The following FOXO3 variants were observed in gnomAD, a reference collection of about 807,000 sequenced individuals.
FOXO3 encodes the protein forkhead box protein O3.
Under a neutral mutation model 41.9 loss-of-function variants are expected in FOXO3, and 4 were observed. The observed-to-expected ratio is 0.10, with a 90% CI of 0.05 to 0.22. The LOEUF (loss-of-function observed/expected upper bound fraction) is 0.22, where lower values mean the gene tolerates loss of function less well. FOXO3 is among the 10% of genes least tolerant of loss of function. The pLI, the probability that FOXO3 is intolerant of heterozygous loss-of-function variation, is 1.00. For missense variants in FOXO3, 534 were observed against 906.8 expected (o/e 0.59, Z 5.28); for synonymous variants, 318 against 389.3 (o/e 0.82, Z 2.16).
intron 1 of FOXO3, among the ~76,000 whole-genome samples, chr6:108,623,255 A>G (rs539632181): frequency 1.4e-4 from 22 of 152,300 alleles, no homozygotes; most frequent in African/African-American, 5.3e-4. Context: ...TGATTAGCTT[A>G]TAAGTTGGCC....
chr6:108,587,887 G>A (rs541093213), intron 1 of FOXO3, among the ~76,000 whole-genome samples: 4 of 152,262 alleles, frequency 2.6e-5, no homozygotes, highest in East Asian at 3.9e-4. Flanking sequence ...GGATTCTTTC[G>A]CTTTGAGATG....
intron 1 of FOXO3, among the ~76,000 whole-genome samples, chr6:108,657,412 A>G (rs1185575206): frequency 6.6e-6 from 1 of 152,164 alleles, no homozygotes; most frequent in South Asian, 2.1e-4. Context: ...TTTAGTGAGT[A>G]ACTGTGACAA....
At chr6:108,668,378 T>G (rs565395581) in intron 2 of FOXO3, among the ~76,000 whole-genome samples, 1 of 152,300 alleles carries the variant, frequency 6.6e-6, no homozygotes, top group East Asian at 1.9e-4. Flanking sequence ...TTTGGAGGGC[T>G]GGCTGCTGGG....
At chr6:108,592,200 G>A (rs1776748382) in intron 1 of FOXO3, among the ~76,000 whole-genome samples, 1 of 152,138 alleles carries the variant, frequency 6.6e-6, no homozygotes, top group Admixed American at 6.5e-5. Flanking sequence ...TCTTAATTGT[G>A]GTGGTGCTTA....
chr6:108,562,429 C>T (rs1391740265), intron 1 of FOXO3, among the ~76,000 whole-genome samples: 1 of 152,082 alleles, frequency 6.6e-6, no homozygotes, highest in Non-Finnish European at 1.5e-5. Flanking sequence ...CTTTCCTTGC[C>T]TATATTGATA....
At chr6:108,660,451 A>G (rs771219423) in intron 1 of FOXO3, among the ~76,000 whole-genome samples, 9 of 152,232 alleles carry the variant, frequency 5.9e-5, no homozygotes, top group Non-Finnish European at 1.2e-4. Flanking sequence ...AGAAATGCCA[A>G]CTTATGACCC....
chr6:108,578,762 G>A (rs1776328591), intron 1 of FOXO3, among the ~76,000 whole-genome samples: 1 of 152,216 alleles, frequency 6.6e-6, no homozygotes, highest in African/African-American at 2.4e-5. Flanking sequence ...GAGAAAGATA[G>A]GATAAAAATG....
chr6:108,667,607 G>A lies in FOXO3; in HGVS notation c.*34+2718G>A, dbSNP rs551889701. Among the ~76,000 whole-genome samples, 10 of 152,240 alleles carry A rather than the reference G, an allele frequency of 6.6e-5. No individual in the cohort carries two copies. The South Asian group carries it at 2.1e-3, about 32-fold the overall frequency. ...CTAAAGGATTGTACAGAAAATTAAG[G>A]GAGATCTAAATACTTAGATTTTTAA... On this transcript the variant is annotated intron_variant, in intron 2 of 2. Coordinates refer to ENST00000406360, the MANE Select transcript of FOXO3 (RefSeq NM_001455.4).
At chr6:108,617,292 AATTG>A (rs1232736449) in intron 1 of FOXO3, among the ~76,000 whole-genome samples, 11 of 152,068 alleles carry the variant, frequency 7.2e-5, no homozygotes, top group African/African-American at 2.7e-4. Flanking sequence ...TGGGTCTGTT[AATTG>A]ATTGATTATT....
At chr6:108,564,656 C>T (rs192299382) in intron 1 of FOXO3, among the ~76,000 whole-genome samples, 132 of 152,284 alleles carry the variant, frequency 8.7e-4, no homozygotes, top group African/African-American at 3.0e-3. Flanking sequence ...ACTTAGAGAT[C>T]AGAATCTAAA....
At chr6:108,625,822 G>T (rs1413707959) in intron 1 of FOXO3, among the ~76,000 whole-genome samples, 1 of 152,108 alleles carries the variant, frequency 6.6e-6, no homozygotes, top group East Asian at 1.9e-4. Flanking sequence ...CCATGTCCTG[G>T]GTTGTTTAAG....
chr6:108,618,329 T>G lies in FOXO3; in HGVS notation c.622-45126T>G. 4.7e-6 allele frequency: 3 copies of G among 632,132 alleles called. No individual in the cohort carries two copies. The Admixed American group carries it at 6.3e-5, about 13-fold the overall frequency. The allele number at this position is 632,132 out of a possible 1,614,324, so 39.2% of individuals were successfully genotyped here. A position where few individuals can be genotyped will look rare whatever the true frequency, so the allele number is the denominator to read the frequency against. Reference sequence around the variant, plus strand: ...CTCAGCTGCCGCTTCACAAAAGAGATATCAGGTCCACACTGAACGAGCACA... The same window carrying G: ...CTCAGCTGCCGCTTCACAAAAGAGAGATCAGGTCCACACTGAACGAGCACA... On this transcript the variant is annotated intron_variant, in intron 1 of 2. Transcript: ENST00000406360.
chr6:108,660,754 C>G (rs1367729419), intron 1 of FOXO3, among the ~76,000 whole-genome samples: 1 of 152,248 alleles, frequency 6.6e-6, no homozygotes, highest in East Asian at 1.9e-4. Context: ...TGCCTGTAAT[C>G]CCAGCACTTT....
At chr6:108,655,502 C>A (rs1206412868) in intron 1 of FOXO3, among the ~76,000 whole-genome samples, 1 of 152,042 alleles carries the variant, frequency 6.6e-6, no homozygotes, top group Admixed American at 6.5e-5. Context: ...GGTTCTTGGC[C>A]CTAATTGCAC....
chr6:108,664,957 G>A, intron 2 of FOXO3, 68 bp downstream of exon 2: 1 of 1,449,918 alleles, frequency 6.9e-7, no homozygotes, highest in Admixed American at 2.3e-5. Flanking sequence ...GGGGGAGCCT[G>A]TCTTCTCTTT....
At position 108,679,519 on chromosome 6, in the gene FOXO3, C is replaced by T. The variant is rs141462582; in HGVS notation, c.*35-308C>T. On this transcript the variant is annotated intron_variant, in intron 2 of 2. Transcript: ENST00000406360. Reference sequence around the variant, plus strand: ...ACCTTGAACATCTAACTAAAAAGGACCCACCAAAACACCCCTAATATGGCT... The same window carrying T: ...ACCTTGAACATCTAACTAAAAAGGATCCACCAAAACACCCCTAATATGGCT... Among the ~76,000 whole-genome samples, 61 of 152,252 alleles carry T rather than the reference C, an allele frequency of 4.0e-4. 4 individuals carry two copies. In the East Asian group the frequency reaches 0.012, roughly 29 times the overall value.
At chr6:108,611,426 TA>T (rs142021691) in intron 1 of FOXO3, among the ~76,000 whole-genome samples, 5,743 of 152,244 alleles carry the variant, frequency 0.038, 154 homozygotes, top group Middle Eastern at 0.089. Context: ...TGTTTAACTT[TA>T]TAAGAAACTG....
At position 108,681,701 on chromosome 6, in the gene FOXO3, A is replaced by G. The variant is rs545004534; in HGVS notation, c.*1909A>G. The G allele has an allele frequency of 2.0e-5, 3 of 152,354 alleles. No homozygotes were observed. Among genetic ancestry groups the G allele is most frequent in the South Asian group, 4.2e-4 (2 of 4,806 alleles). 9.4% of individuals were successfully genotyped at this position (152,354 alleles called of 1,614,324 possible). On this transcript the variant is annotated 3_prime_UTR_variant, in exon 3 of 3. Transcript: ENST00000406360. Reference sequence around the variant, plus strand: ...AATTGTGGTTATAGTAGACTGTAGCACATTGCCTTTTCTAAACTGCTACAT... The same window carrying G: ...AATTGTGGTTATAGTAGACTGTAGCGCATTGCCTTTTCTAAACTGCTACAT...
upstream of FOXO3, among the ~76,000 whole-genome samples, chr6:108,560,600 C>T (rs1200441900): frequency 6.6e-6 from 1 of 152,044 alleles, no homozygotes; most frequent in Non-Finnish European, 1.5e-5. Flanking sequence ...GGCGGCCAGG[C>T]TAGGAAAGGG....
Sources: allele counts gnomAD v4.1 joint callset (sites outside exome capture counted in the v4.1 genomes callset), GRCh38; gene constraint gnomAD v4.1.1; transcripts MANE v1.5; gene names NCBI Gene and HGNC (gene_info 2026-07-23, HGNC 2026-07-21).